ZYG11B: variants seen among roughly 807,000 people sequenced by gnomAD.
ZYG11B encodes protein zyg-11 homolog B.
In ZYG11B, 36 loss-of-function variants were observed where a neutral mutation model predicts 82.4. The observed-to-expected ratio is 0.44, with a 90% CI of 0.33 to 0.58. ZYG11B has a LOEUF of 0.58. Among genes scored for constraint, ZYG11B ranks in the 20% least tolerant of loss-of-function variants. The pLI is 0.02. For synonymous variants in ZYG11B, 303 were observed against 312.8 expected (o/e 0.97, Z 0.33); for missense variants, 552 against 895.6 (o/e 0.62, Z 4.90).
intron 1 of ZYG11B, among the ~76,000 whole-genome samples, chr1:52,734,520 C>A (rs1016684826): frequency 6.0e-5 from 9 of 150,922 alleles, no homozygotes; most frequent in African/African-American, 1.2e-4. Flanking sequence ...TGTGGTAGCG[C>A]ATGCCTGTGA....
intron 3 of ZYG11B, chr1:52,772,444 T>C: frequency 6.4e-7 from 1 of 1,568,000 alleles, no homozygotes; most frequent in South Asian, 1.1e-5. Flanking sequence ...AAAATTTTAT[T>C]GCCTGTCACA....
At chr1:52,750,382 C>A (rs1644510916) in intron 1 of ZYG11B, among the ~76,000 whole-genome samples, 1 of 152,048 alleles carries the variant, frequency 6.6e-6, no homozygotes, top group Non-Finnish European at 1.5e-5. Context: ...AAGTGATTCT[C>A]CTGCCTCAGC....
intron 3 of ZYG11B, among the ~76,000 whole-genome samples, chr1:52,773,938 C>T (rs971761715): frequency 1.3e-5 from 2 of 151,552 alleles, no homozygotes; most frequent in Admixed American, 6.6e-5. Context: ...CCACCACCCT[C>T]GGCCTGGTTT....
chr1:52,815,585 A>G (rs1645216537), intron 12 of ZYG11B, among the ~76,000 whole-genome samples: 2 of 152,214 alleles, frequency 1.3e-5, no homozygotes, highest in Middle Eastern at 6.8e-3. Context: ...GCCTTACTGC[A>G]CTCCAGCCTG....
chr1:52,743,308 C>T (rs1262645172), intron 1 of ZYG11B, among the ~76,000 whole-genome samples: 2 of 148,134 alleles, frequency 1.4e-5, no homozygotes, highest in African/African-American at 2.5e-5. Context: ...GACCCTTGTT[C>T]ACTTGTTTAT....
In ZYG11B at chr1:52,733,499, C is replaced by T. The variant is rs555944477; in HGVS notation, c.30+6816C>T. Among the ~76,000 whole-genome samples the T allele has an allele frequency of 2.6e-5, 4 of 151,966 alleles. No individual in the cohort carries two copies. In the South Asian group the frequency reaches 8.3e-4, roughly 32 times the overall value. ...GACCAGCCTGGACAAGATAGTGAGA[C>T]CCTATCTCTACACAGAATGAAAAAA... On this transcript the variant is annotated intron_variant, in intron 1 of 13. Coordinates refer to ENST00000294353, the MANE Select transcript of ZYG11B (RefSeq NM_024646.3).
chr1:52,820,971 T>C (rs538299611), intron 13 of ZYG11B, among the ~76,000 whole-genome samples: 1 of 151,712 alleles, frequency 6.6e-6, no homozygotes, highest in South Asian at 2.1e-4. Context: ...GGTGGTGGCA[T>C]GTGCCTGTAT....
chr1:52,809,652 C>T (rs1571798660), intron 10 of ZYG11B, among the ~76,000 whole-genome samples: 6 of 152,090 alleles, frequency 3.9e-5, no homozygotes, highest in Admixed American at 2.6e-4. Context: ...CCAAGGGTTC[C>T]GATTTCTCCA....
At chr1:52,799,366 A>G (rs1645055909) in intron 8 of ZYG11B, among the ~76,000 whole-genome samples, 1 of 151,820 alleles carries the variant, frequency 6.6e-6, no homozygotes, top group African/African-American at 2.4e-5. Context: ...AGGCGCCTGT[A>G]GTCCCAGCTA....
chr1:52,736,743 A>G (rs1017205441), intron 1 of ZYG11B, among the ~76,000 whole-genome samples: 5 of 150,638 alleles, frequency 3.3e-5, no homozygotes, highest in Non-Finnish European at 5.9e-5. Context: ...GTGAACCACC[A>G]CGCCTGGCTA....
In ZYG11B at chr1:52,785,983, C is replaced by A. The variant is rs186895066; in HGVS notation, c.1269+930C>A. Among the ~76,000 whole-genome samples the A allele has an allele frequency of 2.0e-5, 3 of 152,212 alleles. No individual in the cohort carries two copies. In the East Asian group the frequency reaches 5.8e-4, roughly 29 times the overall value. ...CTAGCATAAACTATGACTTCCTCCC[C>A]AGAGATACATTCTTACAAAAAGGGA... On this transcript the variant is annotated intron_variant, in intron 5 of 13. Coordinates refer to ENST00000294353, the MANE Select transcript of ZYG11B (RefSeq NM_024646.3).
At chr1:52,765,030 G>T (rs1644669857) in intron 2 of ZYG11B, among the ~76,000 whole-genome samples, 1 of 151,422 alleles carries the variant, frequency 6.6e-6, no homozygotes, top group Non-Finnish European at 1.5e-5. Flanking sequence ...GTAAACCACT[G>T]CTTCCAATTT....
At chr1:52,765,666 T>A (rs1644676928) in intron 2 of ZYG11B, among the ~76,000 whole-genome samples, 1 of 152,104 alleles carries the variant, frequency 6.6e-6, no homozygotes, top group Non-Finnish European at 1.5e-5. Context: ...CATGCCCGAC[T>A]AATTAAAATT....
intron 10 of ZYG11B, among the ~76,000 whole-genome samples, 199 bp downstream of exon 10, chr1:52,802,338 C>CTTTTTTTT (rs1645082114): frequency 3.0e-5 from 4 of 131,854 alleles, no homozygotes; most frequent in African/African-American, 1.2e-4. Context: ...CTTTCTTTCT[C>CTTTTTTTT]TCTTTTTTTT....
At chr1:52,817,777 GTATATATATATA>G (rs869260265) in intron 13 of ZYG11B, among the ~76,000 whole-genome samples, 86 of 41,522 alleles carry the variant, frequency 2.1e-3, no homozygotes, top group African/African-American at 5.6e-3. Flanking sequence ...ATATATATGT[GTATATATATATA>G]TATATATATA....
intron 8 of ZYG11B, among the ~76,000 whole-genome samples, chr1:52,800,749 G>A (rs1397125704): frequency 1.3e-5 from 2 of 151,954 alleles, no homozygotes; most frequent in Admixed American, 6.6e-5. Flanking sequence ...GGTGGAGGTC[G>A]CAGTGAGCTG....
At chr1:52,735,589 T>A (rs1013660485) in intron 1 of ZYG11B, among the ~76,000 whole-genome samples, 1 of 151,968 alleles carries the variant, frequency 6.6e-6, no homozygotes, top group Non-Finnish European at 1.5e-5. Flanking sequence ...CAGACTGGAG[T>A]GCAGTGGCGC....
intron 4 of ZYG11B, among the ~76,000 whole-genome samples, chr1:52,784,407 G>A (rs1644895618): frequency 6.6e-6 from 1 of 152,218 alleles, no homozygotes; most frequent in African/African-American, 2.4e-5. Context: ...GGAATGGGAA[G>A]GATTCGTTGG....
intron 8 of ZYG11B, among the ~76,000 whole-genome samples, chr1:52,798,434 G>A (rs1645046517): frequency 6.6e-6 from 1 of 152,050 alleles, no homozygotes; most frequent in South Asian, 2.1e-4. Context: ...AGCAATATGA[G>A]ACCCCATCTA....
Sources: allele counts gnomAD v4.1 joint callset (sites outside exome capture counted in the v4.1 genomes callset), GRCh38; gene constraint gnomAD v4.1.1; transcripts MANE v1.5; gene names NCBI Gene and HGNC (gene_info 2026-07-23, HGNC 2026-07-21).